The following KCTD8 variants were observed in gnomAD, a reference collection of about 807,000 sequenced individuals.
KCTD8 encodes BTB/POZ domain-containing protein KCTD8.
Under a neutral mutation model 31.5 loss-of-function variants are expected in KCTD8, and 27 were observed. The observed-to-expected ratio is 0.86, with a 90% CI of 0.63 to 1.18. KCTD8 has a LOEUF of 1.18. Among genes scored for constraint, KCTD8 ranks in the 50% most tolerant of loss-of-function variants. KCTD8 has a pLI of 0.00. For synonymous variants in KCTD8, 290 were observed against 280.0 expected, an observed-to-expected ratio of 1.04 and a Z score of -0.36; for missense variants, 658 against 647.7, an observed-to-expected ratio of 1.02 and a Z score of -0.17.
intron 1 of KCTD8, among the ~76,000 whole-genome samples, chr4:44,285,738 T>C (rs1461160370): frequency 6.6e-6 from 1 of 152,148 alleles, no homozygotes; most frequent in African/African-American, 2.4e-5. Context: ...CTGTAGCCCA[T>C]AGATCAAGGA....
intron 1 of KCTD8, among the ~76,000 whole-genome samples, chr4:44,238,991 G>A (rs555988988): frequency 6.6e-6 from 1 of 152,102 alleles, no homozygotes; most frequent in Non-Finnish European, 1.5e-5. Context: ...GTTTCTCTAA[G>A]GAAACAAAAA....
chr4:44,399,613 AT>A (rs1287355091), intron 1 of KCTD8, among the ~76,000 whole-genome samples: 3 of 152,200 alleles, frequency 2.0e-5, no homozygotes, highest in Non-Finnish European at 4.4e-5. Context: ...CCCCAGCATA[AT>A]TCAGGGTATC....
chr4:44,197,373 C>A (rs1713977893), intron 1 of KCTD8, among the ~76,000 whole-genome samples: 2 of 152,128 alleles, frequency 1.3e-5, no homozygotes, highest in Non-Finnish European at 2.9e-5. Context: ...AATGCAGGAA[C>A]AGCAACAGTA....
chr4:44,323,517 A>T (rs1246101702), intron 1 of KCTD8, among the ~76,000 whole-genome samples: 3 of 130,998 alleles, frequency 2.3e-5, no homozygotes, highest in Non-Finnish European at 3.2e-5. Flanking sequence ...CCCAAAAAAA[A>T]TTAAAAATTA....
chr4:44,209,164 G>C (rs1232627116), intron 1 of KCTD8, among the ~76,000 whole-genome samples: 1 of 152,044 alleles, frequency 6.6e-6, no homozygotes, highest in African/African-American at 2.4e-5. Flanking sequence ...GGGGTTTTCT[G>C]AAGGGATTTT....
chr4:44,224,919 C>T (rs967802572), intron 1 of KCTD8, among the ~76,000 whole-genome samples: 1 of 151,986 alleles, frequency 6.6e-6, no homozygotes, highest in African/African-American at 2.4e-5. Flanking sequence ...CTTCTTAACC[C>T]CCTCAGCCAA....
chr4:44,196,219 A>G (rs1052681124), intron 1 of KCTD8, among the ~76,000 whole-genome samples: 1 of 152,222 alleles, frequency 6.6e-6, no homozygotes, highest in Admixed American at 6.5e-5. Flanking sequence ...ACTGAAAGAA[A>G]GAGAAAGATA....
intron 1 of KCTD8, among the ~76,000 whole-genome samples, chr4:44,323,218 G>C (rs1464243948): frequency 1.3e-5 from 2 of 152,006 alleles, no homozygotes; most frequent in Non-Finnish European, 2.9e-5. Flanking sequence ...ATGTGGCCAG[G>C]CACGGTGGCT....
intron 1 of KCTD8, among the ~76,000 whole-genome samples, chr4:44,341,938 T>C (rs922415572): frequency 1.3e-5 from 2 of 152,242 alleles, no homozygotes; most frequent in Non-Finnish European, 2.9e-5. Flanking sequence ...TTAGGAAATG[T>C]ATCTCTTAAA....
At chr4:44,301,661 A>G (rs1246765420) in intron 1 of KCTD8, among the ~76,000 whole-genome samples, 1 of 151,994 alleles carries the variant, frequency 6.6e-6, no homozygotes, top group Non-Finnish European at 1.5e-5. Context: ...CTCCCATTTC[A>G]TAGGTTGCCT....
At chr4:44,252,348 A>G (rs1341035717) in intron 1 of KCTD8, among the ~76,000 whole-genome samples, 1 of 151,694 alleles carries the variant, frequency 6.6e-6, no homozygotes, top group Non-Finnish European at 1.5e-5. Context: ...TTTTCATATA[A>G]TGACTTCTTT....
intron 1 of KCTD8, among the ~76,000 whole-genome samples, chr4:44,285,482 T>G (rs1717036463): frequency 6.7e-6 from 1 of 150,274 alleles, no homozygotes; most frequent in Non-Finnish European, 1.5e-5. Context: ...GGGGTCGGGG[T>G]GTAGGGGAGG....
chr4:44,237,602 A>T (rs1715331157), intron 1 of KCTD8, among the ~76,000 whole-genome samples: 1 of 152,208 alleles, frequency 6.6e-6, no homozygotes, highest in African/African-American at 2.4e-5. Flanking sequence ...CTCACATATC[A>T]TTTCAACTGG....
chr4:44,434,830 G>A (rs942808917), intron 1 of KCTD8, among the ~76,000 whole-genome samples: 1 of 151,908 alleles, frequency 6.6e-6, no homozygotes, highest in African/African-American at 2.4e-5. Context: ...CGACTGGCCA[G>A]AATGCCCACT....
rs548363252 is a variant in KCTD8 at position 44,418,945 on chromosome 4, A to G, written c.961+28618T>C. On this transcript the variant is annotated intron_variant, in intron 1 of 1. Coordinates refer to ENST00000360029, the MANE Select transcript of KCTD8 (RefSeq NM_198353.3). ...TGACAACTACCTTTTATATAACCCAACCGTGGCTGTGCTTAATAAAACTCA... is the reference window on the plus strand; with the variant it reads ...TGACAACTACCTTTTATATAACCCAGCCGTGGCTGTGCTTAATAAAACTCA... Among the ~76,000 whole-genome samples the G allele has an allele frequency of 1.9e-4, 29 of 152,288 alleles. No individual in the cohort carries two copies. The South Asian group carries it at 6.0e-3, about 32-fold the overall frequency.
intron 1 of KCTD8, among the ~76,000 whole-genome samples, chr4:44,342,220 A>G (rs921094963): frequency 5.9e-5 from 9 of 151,896 alleles, no homozygotes; most frequent in African/African-American, 1.9e-4. Flanking sequence ...AAATACAAAA[A>G]AATTAACTGG....
At chr4:44,285,400 C>T (rs1331569607) in intron 1 of KCTD8, among the ~76,000 whole-genome samples, 3 of 152,012 alleles carry the variant, frequency 2.0e-5, no homozygotes, top group Non-Finnish European at 4.4e-5. Context: ...TATGTTCTCA[C>T]TCATAAGTGG....
intron 1 of KCTD8, among the ~76,000 whole-genome samples, chr4:44,397,577 C>A (rs533062011): frequency 3.9e-4 from 60 of 152,052 alleles, no homozygotes; most frequent in Admixed American, 1.1e-3. Flanking sequence ...AGCGGAGGAA[C>A]CAAGTCTTAA....
chr4:44,347,759 T>C (rs970237738), intron 1 of KCTD8, among the ~76,000 whole-genome samples: 1 of 152,208 alleles, frequency 6.6e-6, no homozygotes, highest in Non-Finnish European at 1.5e-5. Flanking sequence ...TTTTCAGCTA[T>C]AAGGTTTTAA....
Sources: allele counts gnomAD v4.1 joint callset (sites outside exome capture counted in the v4.1 genomes callset), GRCh38; gene constraint gnomAD v4.1.1; transcripts MANE v1.5; gene names NCBI Gene and HGNC (gene_info 2026-07-23, HGNC 2026-07-21).